Variants in COX11 observed in about 807,000 individuals in gnomAD.
The protein encoded by COX11 is cytochrome c oxidase copper chaperone COX11.
A neutral mutation model predicts 29.4 loss-of-function variants in COX11; 18 were observed. The observed-to-expected ratio is 0.61, with a 90% CI of 0.42 to 0.91. COX11 has a LOEUF of 0.91. COX11 is among the 40% of genes least tolerant of loss of function. The pLI is 0.00. For missense variants in COX11, 312 were observed against 346.0 expected (o/e 0.90, Z 0.78); for synonymous variants, 131 against 124.0 (o/e 1.06, Z -0.38).
chr17:54,964,774 T>A lies in COX11; in HGVS notation c.445A>T (p.Ile149Phe). 2 of 1,614,012 alleles carry A rather than the reference T, an allele frequency of 1.2e-6. No individual in the cohort carries two copies. The highest frequency in any genetic ancestry group is 1.7e-6 in the Non-Finnish European group (2 of 1,179,940). Residue 149 changes from isoleucine to phenylalanine, a missense_variant, in exon 2 of 4, where the codon ATC becomes TTC. By Grantham distance (21) the Ile-to-Phe change is conservative. Coordinates refer to ENST00000299335, the MANE Select transcript of COX11 (RefSeq NM_004375.5). ...IENMVPVKDR[I>F]IKISFNADVH... ...TCTGCATTAAAGCTAATTTTAATGA[T>A]TCGATCTTTAACAGGCACCATGTTT...
exon 1 of COX11, chr17:54,954,269 CAT>C (rs2049379759): frequency 6.6e-6 from 1 of 152,182 alleles, no homozygotes; most frequent in South Asian, 2.1e-4. Context: ...GAATATTCTC[CAT>C]ATGAGAGTTA....
At position 54,960,993 on chromosome 17, in the gene COX11, G is replaced by A. The variant is rs966866942; in HGVS notation, c.*1740C>T. ...CCATTTACCGTTAGTCCTCCAAATA[G>A]GTCTGAATTTTTCCTATTTTCAGCA... is the stretch of plus-strand genomic sequence containing the variant. On this transcript the variant is annotated 3_prime_UTR_variant, in exon 4 of 4. Coordinates refer to ENST00000299335, the MANE Select transcript of COX11 (RefSeq NM_004375.5). The A allele has an allele frequency of 3.6e-6, 2 of 556,296 alleles. No homozygotes were observed. The highest frequency in any genetic ancestry group is 1.9e-5 in the African/African-American group (1 of 53,060). 34.5% of individuals were successfully genotyped at this position (556,296 alleles called of 1,614,324 possible). A position where few individuals can be genotyped will look rare whatever the true frequency, so the allele number is the denominator to read the frequency against.
downstream of COX11, chr17:54,959,079 G>A (rs2077038769): frequency 6.6e-6 from 1 of 152,192 alleles, no homozygotes; most frequent in Non-Finnish European, 1.5e-5. Flanking sequence ...CTACCAGAGA[G>A]TTTAGAGGTT....
intron 3 of COX11, 177 bp downstream of exon 3, chr17:54,963,129 T>C (rs1050884204): frequency 6.3e-6 from 5 of 793,716 alleles, no homozygotes; most frequent in East Asian, 2.7e-5. Flanking sequence ...AAAGCAGATA[T>C]CCATTTGGTT....
In COX11 at chr17:54,962,215, A is replaced by C. The variant is rs1405631675; in HGVS notation, c.*518T>G. ...GAAATAAGAATTTAAATCTTTGGACAAGCTGTTAGGGCTTAGTGACTCCTC... is the reference window on the plus strand; with the variant it reads ...GAAATAAGAATTTAAATCTTTGGACCAGCTGTTAGGGCTTAGTGACTCCTC... On this transcript the variant is annotated 3_prime_UTR_variant, in exon 4 of 4. Coordinates refer to ENST00000299335, the MANE Select transcript of COX11 (RefSeq NM_004375.5). The C allele has an allele frequency of 1.0e-6, 1 of 982,184 alleles. No individual in the cohort carries two copies. Among genetic ancestry groups the C allele is most frequent in the East Asian group, 1.1e-4 (1 of 8,816 alleles). 60.8% of individuals were successfully genotyped at this position (982,184 alleles called of 1,614,324 possible). A position where few individuals can be genotyped will look rare whatever the true frequency, so the allele number is the denominator to read the frequency against.
At position 54,962,039 on chromosome 17, in the gene COX11, T is replaced by A; in HGVS notation, c.*694A>T. 1.0e-6 allele frequency: 1 copy of A among 984,908 alleles called. No individual in the cohort carries two copies. Among genetic ancestry groups the A allele is most frequent in the Non-Finnish European group, 1.2e-6 (1 of 829,450 alleles). 61.0% of individuals were successfully genotyped at this position (984,908 alleles called of 1,614,324 possible). A position where few individuals can be genotyped will look rare whatever the true frequency, so the allele number is the denominator to read the frequency against. ...AAATCTTCACAATCCCACCTGTACA[T>A]TTTAACATTCATGGACTTGTAATGG... On this transcript the variant is annotated 3_prime_UTR_variant, in exon 4 of 4. Coordinates refer to ENST00000299335, the MANE Select transcript of COX11 (RefSeq NM_004375.5).
exon 1 of COX11, chr17:54,953,417 G>A (rs1028815771): frequency 6.6e-6 from 1 of 152,292 alleles, no homozygotes; most frequent in Non-Finnish European, 1.5e-5. Flanking sequence ...GTGTAACCTG[G>A]GGCTCCTTGG....
intron 2 of COX11, among the ~76,000 whole-genome samples, chr17:54,964,164 G>C (rs2077180418): frequency 6.6e-6 from 1 of 152,104 alleles, no homozygotes; most frequent in Admixed American, 6.5e-5. Flanking sequence ...CTTTCTTACA[G>C]TTGGTTAAAA....
upstream of COX11, chr17:54,968,706 G>C: frequency 2.6e-6 from 4 of 1,548,406 alleles, no homozygotes; most frequent in East Asian, 2.3e-5. Flanking sequence ...CTCGCGAGGC[G>C]TGCTCCGTCT....
intron 1 of COX11, among the ~76,000 whole-genome samples, chr17:54,967,782 G>A (rs960393923): frequency 2.0e-5 from 3 of 152,042 alleles, no homozygotes; most frequent in Non-Finnish European, 4.4e-5. Context: ...TGGGGCGAGA[G>A]AGCCTCAAAG....
rs1361810561 is a variant in COX11 at position 54,968,631 on chromosome 17, G to A, written c.16C>T (p.Arg6Cys). MGGLWRPGWRCVPFCG... is the reference protein window; with the variant it reads MGGLWCPGWRCVPFCG... ...AAAGGAACGCACCTCCATCCAGGAC[G>A]CCAGAGCCCTCCCATAACCCTCTGA... Residue 6 changes from arginine (R) to cysteine (C), a missense_variant, in exon 1 of 4, where the codon CGT becomes TGT. Physicochemically the swap from Arg to Cys is radical, Grantham distance 180 (BLOSUM62 -3). Coordinates refer to ENST00000299335, the MANE Select transcript of COX11 (RefSeq NM_004375.5). The A allele has an allele frequency of 2.5e-6, 4 of 1,612,416 alleles. No homozygotes were observed. Among genetic ancestry groups the A allele is most frequent in the African/African-American group, 1.3e-5 (1 of 74,976 alleles).
rs1462719085 is a variant in COX11 at position 54,961,573 on chromosome 17, G to C, written c.*1160C>G. 7.8e-6 allele frequency: 10 copies of C among 1,289,700 alleles called. No individual in the cohort carries two copies. Among genetic ancestry groups the C allele is most frequent in the Non-Finnish European group, 8.8e-6 (9 of 1,018,396 alleles). 79.9% of individuals were successfully genotyped at this position (1,289,700 alleles called of 1,614,324 possible). A position where few individuals can be genotyped will look rare whatever the true frequency, so the allele number is the denominator to read the frequency against. ...AGAAATCGTCACACAGCTGTGATAA[G>C]AGTAGATTATTTTACTATGAAATAA... On this transcript the variant is annotated 3_prime_UTR_variant, in exon 4 of 4. Transcript: ENST00000299335.
Position 54,967,988 on chromosome 17 carries a change from C to T in COX11, c.366+293G>A, listed in dbSNP as rs569439517. Among the ~76,000 whole-genome samples the T allele has an allele frequency of 8.4e-5, 10 of 118,564 alleles. No homozygotes were observed. The East Asian group carries it at 2.8e-3, about 33-fold the overall frequency. The allele number at this position is 118,564 out of a possible 152,430, so 77.8% of individuals were successfully genotyped here. On this transcript the variant is annotated intron_variant, in intron 1 of 3. Coordinates refer to ENST00000299335, the MANE Select transcript of COX11 (RefSeq NM_004375.5). The stretch of plus-strand genomic sequence containing the variant: ...AGACTGCTAGATACCCGGTTAGAGG[C>T]TGCGGACCTTTTTTTTTTTTTTTGG...
At chr17:54,965,937 G>GA (rs2077209849) in intron 1 of COX11, among the ~76,000 whole-genome samples, 1 of 152,078 alleles carries the variant, frequency 6.6e-6, no homozygotes, top group African/African-American at 2.4e-5. Context: ...ATGCTAGGAA[G>GA]AAAAAACAAA....
chr17:54,957,414 C>A (rs932319466), downstream of COX11: 1 of 152,088 alleles, frequency 6.6e-6, no homozygotes, highest in East Asian at 1.9e-4. Flanking sequence ...TTTCTAGAAA[C>A]GTTTTTTTAA....
At chr17:54,957,040 G>A (rs1482054482), downstream of COX11, 2 of 152,240 alleles carry the variant, frequency 1.3e-5, no homozygotes, top group Non-Finnish European at 2.9e-5. Context: ...GTCATGAACT[G>A]GTTTAAACCA....
intron 1 of COX11, among the ~76,000 whole-genome samples, chr17:54,967,768 G>A (rs1346049439): frequency 1.3e-5 from 2 of 151,276 alleles, no homozygotes; most frequent in African/African-American, 2.4e-5. Flanking sequence ...TATATTAACA[G>A]GGGTGGGGCG....
chr17:54,965,480 C>T (rs1205641115), intron 1 of COX11, among the ~76,000 whole-genome samples: 1 of 152,156 alleles, frequency 6.6e-6, no homozygotes, highest in Non-Finnish European at 1.5e-5. Context: ...CCTATGGCCA[C>T]AGAAATAATC....
chr17:54,955,824 C>T (rs952224302), downstream of COX11, among the ~76,000 whole-genome samples: 1 of 152,214 alleles, frequency 6.6e-6, no homozygotes, highest in Non-Finnish European at 1.5e-5. Flanking sequence ...GGAGCTGCTG[C>T]TTCAAAGCAG....
Sources: gnomAD v4.1 joint callset for allele counts (sites outside exome capture counted in the v4.1 genomes callset) on GRCh38, gnomAD v4.1.1 for gene constraint, MANE v1.5 for transcripts, NCBI Gene and HGNC (gene_info 2026-07-23, HGNC 2026-07-21) for gene names.